Variants in REL observed in about 807,000 individuals in gnomAD.
REL encodes the protein REL proto-oncogene, NF-kB subunit.
In REL, 15 loss-of-function variants were observed where a neutral mutation model predicts 45.9. The observed-to-expected ratio is 0.33, with a 90% confidence interval of 0.22 to 0.50. The LOEUF is 0.50. REL is among the 20% of genes least tolerant of loss of function. REL has a pLI of 0.98. For synonymous variants in REL, 239 were observed against 242.1 expected, an observed-to-expected ratio of 0.99 and a Z score of 0.12; for missense variants, 601 against 715.2, an observed-to-expected ratio of 0.84 and a Z score of 1.82.
Position 60,883,552 on chromosome 2 carries a change from A to G in REL, c.10+1702A>G, listed in dbSNP as rs367779237. Among the ~76,000 whole-genome samples, 4 of 152,340 alleles carry G rather than the reference A, an allele frequency of 2.6e-5. No homozygotes were observed. The South Asian group carries it at 6.2e-4, about 24-fold the overall frequency. On this transcript the variant is annotated intron_variant, in intron 1 of 9. Transcript: ENST00000394479. ...ATCAGAAAGATTTTGTTTGGAAGTA[A>G]TGGAGAATGCCTAGCATTATAAGTA... is the stretch of plus-strand genomic sequence containing the variant.
chr2:60,913,784 A>G (rs1320431970), intron 4 of REL, among the ~76,000 whole-genome samples: 1 of 152,138 alleles, frequency 6.6e-6, no homozygotes, highest in Non-Finnish European at 1.5e-5. Context: ...TCATTAGAGA[A>G]ATTTTGTTTC....
intron 4 of REL, among the ~76,000 whole-genome samples, chr2:60,912,563 A>T (rs1673849306): frequency 6.6e-6 from 1 of 152,198 alleles, no homozygotes; most frequent in African/African-American, 2.4e-5. Context: ...TAAAAATATA[A>T]AAGATCTTCT....
rs1227968554 is a variant in REL, at chr2:60,927,949, G to C, written c.*5414G>C. The C allele has an allele frequency of 4.6e-6, 1 of 216,396 alleles. No homozygotes were observed. Among genetic ancestry groups the C allele is most frequent in the Middle Eastern group, 1.4e-3 (1 of 712 alleles). The allele number at this position is 216,396 out of a possible 1,614,324, so 13.4% of individuals were successfully genotyped here. A position where few individuals can be genotyped will look rare whatever the true frequency, so the allele number is the denominator to read the frequency against. On this transcript the variant is annotated 3_prime_UTR_variant, in exon 10 of 10. Coordinates refer to ENST00000394479, the MANE Select transcript of REL (RefSeq NM_001291746.2). ...GGGCTTCTCACAACCATAGTGAACA[G>C]AAACAGCTGGGTTGTCAACGTCTAA...
Position 60,918,387 on chromosome 2 carries a change from T to C in REL, c.641-7T>C. The C allele has an allele frequency of 6.2e-7, 1 of 1,609,190 alleles. No homozygotes were observed. On this transcript the variant is annotated splice_polypyrimidine_tract_variant and splice_region_variant and intron_variant, in intron 6 of 9. Transcript: ENST00000394479. ...CATTTTTTTTTTTTTGGTTTCTTAT[T>C]GACTAGATGACATAGAAGTTCGTTT...
intron 6 of REL, 39 bp from the exon 7 acceptor site, chr2:60,918,355 G>A: frequency 6.5e-7 from 1 of 1,549,824 alleles, no homozygotes; most frequent in East Asian, 2.2e-5. Flanking sequence ...CAGTTACTTT[G>A]TTTTCCCATT....
rs369204799 is a variant in REL at position 60,900,974 on chromosome 2, T to C, written c.303-18T>C. 4.4e-6 allele frequency: 7 copies of C among 1,590,002 alleles called. No homozygotes were observed. The highest frequency in any genetic ancestry group is 1.4e-5 in the African/African-American group (1 of 73,844). On this transcript the variant is annotated intron_variant, in intron 3 of 9. Coordinates refer to ENST00000394479, the MANE Select transcript of REL (RefSeq NM_001291746.2). ...TGTGTTTATAATGCAGTTTTGAATA[T>C]TGTTTTTTTCCTGCTAGTTTCCAAA...
At chr2:60,897,567 C>G (rs936419562) in intron 3 of REL, among the ~76,000 whole-genome samples, 1 of 152,008 alleles carries the variant, frequency 6.6e-6, no homozygotes, top group Non-Finnish European at 1.5e-5. Flanking sequence ...CTCAGCCTCC[C>G]GAAATGCTGA....
chr2:60,890,571 C>G (rs1056771395), intron 1 of REL, among the ~76,000 whole-genome samples: 1 of 152,116 alleles, frequency 6.6e-6, no homozygotes, highest in Non-Finnish European at 1.5e-5. Flanking sequence ...CATCTTCACA[C>G]CCCTATTAAC....
intron 3 of REL, chr2:60,900,258 A>G (rs985702780): frequency 6.6e-6 from 1 of 152,230 alleles, no homozygotes; most frequent in Non-Finnish European, 1.5e-5. Flanking sequence ...TATAGGCAAC[A>G]CTTTTGTGAG....
intron 4 of REL, among the ~76,000 whole-genome samples, chr2:60,903,501 G>C (rs937909453): frequency 1.3e-5 from 2 of 151,832 alleles, no homozygotes; most frequent in Non-Finnish European, 2.9e-5. Context: ...AGCCTCCTAA[G>C]TAGCTGGGAT....
intron 4 of REL, among the ~76,000 whole-genome samples, chr2:60,905,298 G>A (rs2103955480): frequency 6.6e-6 from 1 of 152,216 alleles, no homozygotes; most frequent in South Asian, 2.1e-4. Context: ...GTTTCATCGT[G>A]TTAGCCAGGA....
chr2:60,910,120 T>G (rs1262046122), intron 4 of REL, among the ~76,000 whole-genome samples: 4 of 152,014 alleles, frequency 2.6e-5, no homozygotes, highest in African/African-American at 9.7e-5. Context: ...CCTACTGATT[T>G]TAGGGTTAAA....
At chr2:60,901,677 T>G (rs1189305312) in intron 4 of REL, among the ~76,000 whole-genome samples, 2 of 152,190 alleles carry the variant, frequency 1.3e-5, no homozygotes, top group Non-Finnish European at 2.9e-5. Context: ...AACATGGCCT[T>G]CCTTATGCCA....
chr2:60,903,919 G>T (rs1673565716), intron 4 of REL, among the ~76,000 whole-genome samples: 1 of 151,742 alleles, frequency 6.6e-6, no homozygotes, highest in African/African-American at 2.4e-5. Flanking sequence ...CGCCTGCCTT[G>T]GCCTCCCAAA....
At chr2:60,898,947 A>C (rs1040004084) in intron 3 of REL, 9 of 152,236 alleles carry the variant, frequency 5.9e-5, no homozygotes, top group Non-Finnish European at 1.2e-4. Flanking sequence ...TGATTCAAAC[A>C]ATCTCTTGAT....
Position 60,916,858 on chromosome 2 carries a change from A to AT in REL, c.395-9dup, listed in dbSNP as rs527378932. 1.0e-3 allele frequency: 1,567 copies of AT among 1,508,704 alleles called. No homozygotes were observed. Among genetic ancestry groups the AT allele is most frequent in the South Asian group, 1.3e-3 (106 of 83,528 alleles). The allele number at this position is 1,508,704 out of a possible 1,614,324, so 93.5% of individuals were successfully genotyped here. A position where few individuals can be genotyped will look rare whatever the true frequency, so the allele number is the denominator to read the frequency against. On this transcript the variant is annotated intron_variant, in intron 4 of 9. Transcript: ENST00000394479. ...TCTATGTGACTATTACATTTAAAAA[A>AT]TTTTTTTTTTCTATTCAGTCCCTGA...
At chr2:60,899,175 A>C (rs1673431978) in intron 3 of REL, 1 of 152,242 alleles carries the variant, frequency 6.6e-6, no homozygotes, top group Non-Finnish European at 1.5e-5. Context: ...CAAGATTTCA[A>C]GAAAGGATTA....
At chr2:60,898,948 A>G (rs565856203) in intron 3 of REL, 3 of 152,340 alleles carry the variant, frequency 2.0e-5, no homozygotes, top group African/African-American at 4.8e-5. Flanking sequence ...GATTCAAACA[A>G]TCTCTTGATC....
chr2:60,891,933 T>C, intron 2 of REL, 108 bp downstream of exon 2: 1 of 1,127,576 alleles, frequency 8.9e-7, no homozygotes, highest in Non-Finnish European at 1.2e-6. Flanking sequence ...CACAGGTTTA[T>C]CTTTTTCTTT....
Sources: gnomAD v4.1 joint callset for allele counts (sites outside exome capture counted in the v4.1 genomes callset) on GRCh38, gnomAD v4.1.1 for gene constraint, MANE v1.5 for transcripts, NCBI Gene and HGNC (gene_info 2026-07-23, HGNC 2026-07-21) for gene names.